The following PIWIL2 variants were observed in gnomAD, a reference collection of about 807,000 sequenced individuals.
PIWIL2 encodes the protein piwi-like protein 2.
A neutral mutation model predicts 116.5 loss-of-function variants in PIWIL2; 81 were observed. That is an observed-to-expected ratio of 0.70 (90% CI 0.58 to 0.84). The LOEUF is 0.84. PIWIL2 is among the 40% of genes least tolerant of loss of function. PIWIL2 has a pLI of 0.00. For missense variants in PIWIL2, 1,272 were observed against 1,212.3 expected, an observed-to-expected ratio of 1.05 and a Z score of -0.73; for synonymous variants, 489 against 429.5, an observed-to-expected ratio of 1.14 and a Z score of -1.71.
rs185178851 is a variant in PIWIL2, at chr8:22,311,751, G to T, written c.1989+451G>T. ...GATCAGGAACACTAGAGCTGGCCAG[G>T]TCATAGCACTCACAACTTAGTTATT... is the stretch of plus-strand genomic sequence containing the variant. On this transcript the variant is annotated intron_variant, in intron 16 of 22. Coordinates refer to ENST00000356766, the MANE Select transcript of PIWIL2 (RefSeq NM_018068.5). Among the ~76,000 whole-genome samples the T allele has an allele frequency of 2.0e-5, 3 of 152,242 alleles. No homozygotes were observed. The East Asian group carries it at 5.8e-4, about 29-fold the overall frequency.
At chr8:22,317,565 C>A (rs1324366210) in intron 19 of PIWIL2, among the ~76,000 whole-genome samples, 1 of 152,072 alleles carries the variant, frequency 6.6e-6, no homozygotes, top group East Asian at 1.9e-4. Context: ...CCAATCCTCT[C>A]TTGGTGGATA....
chr8:22,278,125 A>T (rs1830419646), intron 1 of PIWIL2, among the ~76,000 whole-genome samples: 1 of 151,830 alleles, frequency 6.6e-6, no homozygotes, highest in African/African-American at 2.4e-5. Flanking sequence ...CCAAGATTGC[A>T]CCATTGCACT....
rs1397067703 is a variant in PIWIL2 at position 22,334,458 on chromosome 8, G to A, written c.2403+16183G>A. 3.3e-5 allele frequency among the ~76,000 whole-genome samples: 5 copies of A among 150,426 alleles called. No individual in the cohort carries two copies. The Admixed American group carries it at 3.3e-4, about 10-fold the overall frequency. On this transcript the variant is annotated intron_variant, in intron 20 of 22. Coordinates refer to ENST00000356766, the MANE Select transcript of PIWIL2 (RefSeq NM_018068.5). ...AATCGCTTGAACCTAGGAGGCGGAGGTTGCAGTGAGCCAAGATCTTGCCAC... is the reference window on the plus strand; with the variant it reads ...AATCGCTTGAACCTAGGAGGCGGAGATTGCAGTGAGCCAAGATCTTGCCAC...
chr8:22,291,009 C>T (rs1830752378), intron 10 of PIWIL2, among the ~76,000 whole-genome samples: 1 of 147,028 alleles, frequency 6.8e-6, no homozygotes, highest in Non-Finnish European at 1.5e-5. Context: ...CACTCTATCA[C>T]CCAGGCTGGA....
At chr8:22,335,618 G>T (rs1236734484) in intron 20 of PIWIL2, among the ~76,000 whole-genome samples, 1 of 148,488 alleles carries the variant, frequency 6.7e-6, no homozygotes, top group African/African-American at 2.5e-5. Context: ...CATGATCTCG[G>T]CTCACTGCAG....
In PIWIL2 at chr8:22,315,047, A is replaced by G. The variant is rs757838853; in HGVS notation, c.2110A>G (p.Ile704Val). 3.7e-6 allele frequency: 6 copies of G among 1,612,694 alleles called. No individual in the cohort carries two copies. The highest frequency in any genetic ancestry group is 4.2e-6 in the Non-Finnish European group (5 of 1,178,744). ...ATTATAGGTTGTCAATGTTCGAACC[A>G]TTGGTCAGCCCACCAGGCTTCGGAG... is the stretch of plus-strand genomic sequence containing the variant. ...VPSQVVNVRT[I>V]GQPTRLRSVA... is the part of the protein sequence containing the mutation. The change falls in exon 18 of 23, where the codon ATT (isoleucine) becomes GTT (valine). Residue 704 changes from isoleucine to valine, a missense_variant. Transcript: ENST00000356766.
At position 22,353,221 on chromosome 8, in the gene PIWIL2, G is replaced by C. The variant is rs544814212; in HGVS notation, c.2657+9G>C. ...ATAACAAGCTGTGAGTGGTAAGTGA[G>C]CAAAATATGTAGTATTGGAGGAAGA... On this transcript the variant is annotated intron_variant, in intron 21 of 22. Transcript: ENST00000356766. The C allele has an allele frequency of 1.2e-6, 2 of 1,605,806 alleles. No homozygotes were observed. Among genetic ancestry groups the C allele is most frequent in the Non-Finnish European group, 1.7e-6 (2 of 1,173,830 alleles).
intron 20 of PIWIL2, among the ~76,000 whole-genome samples, chr8:22,348,923 G>C (rs944227741): frequency 6.6e-6 from 1 of 152,184 alleles, no homozygotes; most frequent in East Asian, 1.9e-4. Flanking sequence ...GATTCCTTTC[G>C]GTTCTGTTGG....
intron 20 of PIWIL2, among the ~76,000 whole-genome samples, chr8:22,340,579 T>C (rs1832085331): frequency 6.6e-6 from 1 of 151,886 alleles, no homozygotes; most frequent in South Asian, 2.1e-4. Flanking sequence ...GAGAACACCA[T>C]TGAAGATGCA....
In PIWIL2 at chr8:22,344,513, CTT is replaced by C. The variant is rs1353578787; in HGVS notation, c.2404-8445_2404-8444del. Among the ~76,000 whole-genome samples the C allele has an allele frequency of 3.3e-5, 5 of 152,052 alleles. No individual in the cohort carries two copies. In the East Asian group the frequency reaches 5.8e-4, roughly 18 times the overall value. On this transcript the variant is annotated intron_variant, in intron 20 of 22. Coordinates refer to ENST00000356766, the MANE Select transcript of PIWIL2 (RefSeq NM_018068.5). ...TGAAGATTCCTCTAAAAAATAGTCT[CTT>C]AATTTAAAAACATACAGACACACAA...
In PIWIL2 at chr8:22,276,212, C is replaced by T. The variant is rs116889947; in HGVS notation, c.-47+814C>T. 7.0e-3 allele frequency among the ~76,000 whole-genome samples: 1,066 copies of T among 152,296 alleles called. 5 individuals are homozygous for T. The highest frequency in any genetic ancestry group is 9.7e-3 in the Admixed American group (148 of 15,292). On this transcript the variant is annotated intron_variant, in intron 1 of 22. Transcript: ENST00000356766. ...TTTAGTTCAATAAATTTTGCAAGTT[C>T]CTGAACTGTCTGCACTTACGCTGTG...
chr8:22,333,728 G>C (rs1831915552), intron 20 of PIWIL2, among the ~76,000 whole-genome samples: 1 of 152,040 alleles, frequency 6.6e-6, no homozygotes, highest in Admixed American at 6.6e-5. Flanking sequence ...GAGGGAACTG[G>C]AGTATGGATA....
chr8:22,346,769 A>G (rs1832235988), intron 20 of PIWIL2, among the ~76,000 whole-genome samples: 1 of 152,202 alleles, frequency 6.6e-6, no homozygotes, highest in African/African-American at 2.4e-5. Flanking sequence ...ACAATAAGCC[A>G]GGCATAGTGG....
intron 7 of PIWIL2, among the ~76,000 whole-genome samples, chr8:22,287,937 A>G (rs1830667003): frequency 6.6e-6 from 1 of 152,220 alleles, no homozygotes; most frequent in South Asian, 2.1e-4. Context: ...GAATTCCTCA[A>G]GAAGCACCTT....
At chr8:22,349,444 T>TATATATATAA (rs1208817650) in intron 20 of PIWIL2, among the ~76,000 whole-genome samples, 14 of 147,254 alleles carry the variant, frequency 9.5e-5, no homozygotes, top group African/African-American at 2.7e-4. Flanking sequence ...TATATATATA[T>TATATATATAA]AAATTTTACT....
In PIWIL2 at chr8:22,289,899, A is replaced by G. The variant is rs138965997; in HGVS notation, c.1039A>G (p.Thr347Ala). 921 of 1,611,786 alleles carry G rather than the reference A, an allele frequency of 5.7e-4. 7 individuals are homozygous for G. In the East Asian group the frequency reaches 0.016, roughly 27 times the overall value. Residue 347 changes from threonine to alanine, a missense_variant, in exon 9 of 23, where the codon ACA becomes GCA. By Grantham distance (58) the Thr-to-Ala change is moderately conservative. Coordinates refer to ENST00000356766, the MANE Select transcript of PIWIL2 (RefSeq NM_018068.5). ...KLVGRNFYDP[T>A]SAMVLQQHRL... Reference sequence around the variant, plus strand: ...TGTGGGGAGAAACTTTTATGACCCTACAAGTGCTATGGTACTACAGCAACA... The same window carrying G: ...TGTGGGGAGAAACTTTTATGACCCTGCAAGTGCTATGGTACTACAGCAACA...
chr8:22,337,881 G>T (rs1245039462), intron 20 of PIWIL2, among the ~76,000 whole-genome samples: 1 of 152,112 alleles, frequency 6.6e-6, no homozygotes, highest in African/African-American at 2.4e-5. Flanking sequence ...GATCACCTGA[G>T]GCTGGAGTTC....
At chr8:22,289,152 CTTTTTTTTTTTT>C (rs374688951) in intron 8 of PIWIL2, among the ~76,000 whole-genome samples, 51 of 135,312 alleles carry the variant, frequency 3.8e-4, no homozygotes, top group African/African-American at 1.3e-3. Flanking sequence ...TTTCTTTTTT[CTTTTTTTTTTTT>C]TTTTTGAGAG....
At chr8:22,289,198 G>A (rs1830700055) in intron 8 of PIWIL2, among the ~76,000 whole-genome samples, 1 of 149,630 alleles carries the variant, frequency 6.7e-6, no homozygotes, top group Non-Finnish European at 1.5e-5. Context: ...CTGTCGCCAG[G>A]CTGTAGTGCA....
Sources: gnomAD v4.1 joint callset for allele counts (sites outside exome capture counted in the v4.1 genomes callset) on GRCh38, gnomAD v4.1.1 for gene constraint, MANE v1.5 for transcripts, NCBI Gene and HGNC (gene_info 2026-07-23, HGNC 2026-07-21) for gene names.